FAM171A1: variants seen among roughly 807,000 people sequenced by gnomAD.
FAM171A1 encodes protein FAM171A1.
Under a neutral mutation model 74.9 loss-of-function variants are expected in FAM171A1, and 23 were observed. The observed-to-expected ratio is 0.31, with a 90% confidence interval of 0.22 to 0.44. The LOEUF (loss-of-function observed/expected upper bound fraction) is 0.44. FAM171A1 is among the 20% of genes least tolerant of loss of function. FAM171A1 has a pLI of 1.00. For missense variants in FAM171A1, 1,162 were observed against 1,159.2 expected, an observed-to-expected ratio of 1.00 and a Z score of -0.03; for synonymous variants, 527 against 505.7, an observed-to-expected ratio of 1.04 and a Z score of -0.57.
At position 15,213,647 on chromosome 10, in the gene FAM171A1, G is replaced by T; in HGVS notation, c.1941C>A (p.His647Gln). ...ACTCCCGGGTGCCCGCATCCTGCAG[G>T]TGCTGCTGAGAGATGGCCTGGGAAG... Reference protein sequence around the residue: ...PLSSQAISQQHLQDAGTREWS... With the variant: ...PLSSQAISQQQLQDAGTREWS... Residue 647 changes from histidine (H) to glutamine (Q), a missense_variant, in exon 8 of 8, where the codon CAC becomes CAA. By Grantham distance (24) the His-to-Gln change is conservative (BLOSUM62 0). Transcript: ENST00000378116. This position sits in a 1 kb window ranked among gnomAD's most constrained non-coding sequence, Gnocchi z 6.8. 1.2e-6 allele frequency: 2 copies of T among 1,614,126 alleles called. No homozygotes were observed. Among genetic ancestry groups the T allele is most frequent in the Non-Finnish European group, 1.7e-6 (2 of 1,180,002 alleles).
At chr10:15,355,223 T>C (rs1262154776) in intron 1 of FAM171A1, among the ~76,000 whole-genome samples, 1 of 152,154 alleles carries the variant, frequency 6.6e-6, no homozygotes, top group Non-Finnish European at 1.5e-5. Flanking sequence ...TACAGGTGCG[T>C]GCCACCACGC....
upstream of FAM171A1, among the ~76,000 whole-genome samples, chr10:15,374,064 G>C (rs1405741974): frequency 2.6e-5 from 4 of 152,192 alleles, no homozygotes; most frequent in African/African-American, 7.2e-5. Context: ...ACCCATGACT[G>C]TATTCTCTCC....
intron 5 of FAM171A1, among the ~76,000 whole-genome samples, chr10:15,244,622 T>C (rs1237303234): frequency 6.6e-6 from 1 of 152,202 alleles, no homozygotes; most frequent in Admixed American, 6.5e-5. Flanking sequence ...GAAACTGTTA[T>C]TGATCACAAG....
intron 1 of FAM171A1, among the ~76,000 whole-genome samples, chr10:15,303,210 C>T (rs988229892): frequency 1.3e-4 from 20 of 152,002 alleles, no homozygotes; most frequent in African/African-American, 4.6e-4. Context: ...TCCTGATTTA[C>T]CTCAATATTT....
intron 1 of FAM171A1, among the ~76,000 whole-genome samples, chr10:15,314,634 T>C (rs1370091223): frequency 6.6e-6 from 1 of 152,252 alleles, no homozygotes. Flanking sequence ...AATGGAATGC[T>C]GCAGTTTTCT....
In FAM171A1 at chr10:15,370,981, C is replaced by A; in HGVS notation, c.72G>T (p.Leu24=). 1 of 1,187,682 alleles carries A rather than the reference C, an allele frequency of 8.4e-7. No individual in the cohort carries two copies. Among genetic ancestry groups the A allele is most frequent in the Non-Finnish European group, 1.1e-6 (1 of 936,596 alleles). 73.6% of individuals were successfully genotyped at this position (1,187,682 alleles called of 1,614,324 possible). ...CTTGGGCTCCGGCGCCGGGCTCCCG[C>A]AGCGTCTTGGTCACCGCCTTCCAGA... The part of the protein sequence containing the change: ...CHVWKAVTKT[L]REPGAGAQEV... Residue 24 remains leucine, a synonymous_variant, in exon 1 of 8, where the codon CTG becomes CTT. Transcript: ENST00000378116.
chr10:15,348,653 G>C (rs1384135503), intron 1 of FAM171A1, among the ~76,000 whole-genome samples: 1 of 152,162 alleles, frequency 6.6e-6, no homozygotes, highest in African/African-American at 2.4e-5. Flanking sequence ...AGCAGCATCA[G>C]CCTCACGGAA....
intron 1 of FAM171A1, among the ~76,000 whole-genome samples, chr10:15,329,198 T>G (rs376763473): frequency 6.6e-6 from 1 of 152,122 alleles, no homozygotes; most frequent in East Asian, 1.9e-4. Context: ...TTAAAGGAGG[T>G]ATACTAACTT....
At chr10:15,245,351 G>A (rs1479490124) in intron 5 of FAM171A1, among the ~76,000 whole-genome samples, 2 of 152,198 alleles carry the variant, frequency 1.3e-5, no homozygotes, top group Non-Finnish European at 2.9e-5. Context: ...ACAGGCATGA[G>A]CCATGGTGCC....
chr10:15,357,806 G>A (rs914797746), intron 1 of FAM171A1, among the ~76,000 whole-genome samples: 1 of 152,144 alleles, frequency 6.6e-6, no homozygotes, highest in Admixed American at 6.6e-5. Context: ...TAATTACAGA[G>A]CCTAAGTGAT....
chr10:15,356,475 A>G (rs1447791084), intron 1 of FAM171A1, among the ~76,000 whole-genome samples: 1 of 152,182 alleles, frequency 6.6e-6, no homozygotes, highest in African/African-American at 2.4e-5. Context: ...GAGAAATGAA[A>G]AATATTGTCC....
rs867917252 is a variant in FAM171A1 at position 15,216,066 on chromosome 10, G to C, written c.916C>G (p.Leu306Val). The C allele has an allele frequency of 6.2e-7, 1 of 1,611,250 alleles. No individual in the cohort carries two copies. Among genetic ancestry groups the C allele is most frequent in the Non-Finnish European group, 8.5e-7 (1 of 1,179,556 alleles). The part of the protein sequence containing the change: ...QDITTYHTVF[L>V]LAILGGMAFI... Reference sequence around the variant, plus strand: ...GCCATTCCTCCTAAAATGGCCAAAAGAAACACCGTGTGATACGTGGTAATG... The same window carrying C: ...GCCATTCCTCCTAAAATGGCCAAAACAAACACCGTGTGATACGTGGTAATG... Residue 306 changes from leucine to valine, a missense_variant, in exon 7 of 8, where the codon CTT (leucine) becomes GTT (valine). Leu to Val is a conservative substitution (Grantham distance 32). Coordinates refer to ENST00000378116, the MANE Select transcript of FAM171A1 (RefSeq NM_001010924.2).
chr10:15,306,758 A>G (rs2131833307), intron 1 of FAM171A1, among the ~76,000 whole-genome samples: 1 of 152,340 alleles, frequency 6.6e-6, no homozygotes, highest in South Asian at 2.1e-4. Flanking sequence ...GAGGGCAGTG[A>G]CTGAAAGCCA....
In FAM171A1 at chr10:15,346,512, G is replaced by A. The variant is rs3891995; in HGVS notation, c.97+24444C>T. On this transcript the variant is annotated intron_variant, in intron 1 of 7. Coordinates refer to ENST00000378116, the MANE Select transcript of FAM171A1 (RefSeq NM_001010924.2). ...CCGAATGAAAGCTCAAATGCTCTGA[G>A]CAAGAACTCACAGATCCTTTTTCTC... Among the ~76,000 whole-genome samples, 567 of 152,290 alleles carry A rather than the reference G, an allele frequency of 3.7e-3. 9 individuals carry two copies. Among genetic ancestry groups the A allele is most frequent in the Admixed American group, 0.033 (504 of 15,276 alleles).
chr10:15,300,859 C>T (rs74123183), intron 1 of FAM171A1, among the ~76,000 whole-genome samples: 3,560 of 152,210 alleles, frequency 0.023, 142 homozygotes, highest in African/African-American at 0.081. Flanking sequence ...TTAATCACTG[C>T]TAGCCATTTT....
At chr10:15,290,872 G>A (rs1008962007) in intron 1 of FAM171A1, among the ~76,000 whole-genome samples, 2 of 152,140 alleles carry the variant, frequency 1.3e-5, no homozygotes, top group African/African-American at 4.8e-5. Context: ...CTGAAGATGA[G>A]GGGTCTGGGC....
intron 1 of FAM171A1, among the ~76,000 whole-genome samples, chr10:15,362,220 A>T (rs914363768): frequency 6.6e-6 from 1 of 152,254 alleles, no homozygotes; most frequent in Non-Finnish European, 1.5e-5. Flanking sequence ...AGAGATTCCC[A>T]GTGACGATGA....
chr10:15,229,777 TCAC>T (rs772045843), intron 5 of FAM171A1, among the ~76,000 whole-genome samples: 351 of 4,684 alleles, frequency 0.075, 25 homozygotes, highest in Non-Finnish European at 0.12. Flanking sequence ...ATCACCATCA[TCAC>T]CATCACCACC....
chr10:15,283,449 C>T (rs891760934), intron 2 of FAM171A1, among the ~76,000 whole-genome samples: 3 of 152,192 alleles, frequency 2.0e-5, no homozygotes, highest in African/African-American at 7.2e-5. Flanking sequence ...GATCAAAAAG[C>T]AGTGGCCTCA....
Sources: allele counts gnomAD v4.1 joint callset (sites outside exome capture counted in the v4.1 genomes callset), GRCh38; gene constraint gnomAD v4.1.1; non-coding constraint Gnocchi (gnomAD v3.1); transcripts MANE v1.5; gene names NCBI Gene and HGNC (gene_info 2026-07-23, HGNC 2026-07-21).